Variants in KCNAB1 observed in about 807,000 individuals in gnomAD.
The protein encoded by KCNAB1 is voltage-gated potassium channel subunit beta-1.
In KCNAB1, 35 loss-of-function variants were observed where a neutral mutation model predicts 64.6. The ratio of observed to expected loss-of-function variants is 0.54; its 90% CI spans 0.41 to 0.72. The LOEUF (loss-of-function observed/expected upper bound fraction) is 0.72, where lower values mean the gene tolerates loss of function less well. Ranked by LOEUF, KCNAB1 falls within the 30% of genes least tolerant of loss-of-function variation. The pLI is 0.00. For synonymous variants in KCNAB1, 177 were observed against 183.8 expected (o/e 0.96, Z 0.30); for missense variants, 401 against 512.9 (o/e 0.78, Z 2.11).
chr3:156,373,674 A>G (rs1431696088), intron 1 of KCNAB1, among the ~76,000 whole-genome samples: 1 of 152,168 alleles, frequency 6.6e-6, no homozygotes, highest in Non-Finnish European at 1.5e-5. Flanking sequence ...TATATGGCAA[A>G]ATTTATTTCC....
At chr3:156,292,198 G>A in intron 1 of KCNAB1, 8 of 1,548,862 alleles carry the variant, frequency 5.2e-6, no homozygotes, top group Middle Eastern at 1.7e-4. Flanking sequence ...ACAGTCCATC[G>A]GTTTTGAAAA....
intron 1 of KCNAB1, among the ~76,000 whole-genome samples, chr3:156,353,331 G>A (rs9824778): frequency 0.084 from 12,762 of 152,050 alleles, 1,318 homozygotes; most frequent in African/African-American, 0.25. Context: ...GAGTTCCTAT[G>A]TGTACAGGCA....
intron 2 of KCNAB1, among the ~76,000 whole-genome samples, chr3:156,424,230 C>T (rs1715666929): frequency 6.6e-6 from 1 of 151,992 alleles, no homozygotes; most frequent in African/African-American, 2.4e-5. Flanking sequence ...AGGGAGTGAC[C>T]AGGGTGGGTC....
chr3:156,213,767 G>T (rs1056049956), intron 1 of KCNAB1, among the ~76,000 whole-genome samples: 1 of 152,114 alleles, frequency 6.6e-6, no homozygotes, highest in African/African-American at 2.4e-5. Flanking sequence ...TTTGGTCTTT[G>T]CCCCCAGTTC....
In KCNAB1 at chr3:156,536,590, T is replaced by C. The variant is rs117688907; in HGVS notation, c.1171-68T>C. ...TGATTCTAGATTACTTTGCTAAATA[T>C]AGAGCACAAAAAACCGAATGATCAA... On this transcript the variant is annotated intron_variant, in intron 13 of 13. Coordinates refer to ENST00000490337, the MANE Select transcript of KCNAB1 (RefSeq NM_172160.3). 1.6e-4 allele frequency: 173 copies of C among 1,068,442 alleles called. No individual in the cohort carries two copies. In the East Asian group the frequency reaches 3.8e-3, roughly 23 times the overall value. 66.2% of individuals were successfully genotyped at this position (1,068,442 alleles called of 1,614,324 possible).
chr3:156,503,062 T>C (rs1393748967), intron 8 of KCNAB1, among the ~76,000 whole-genome samples: 1 of 152,256 alleles, frequency 6.6e-6, no homozygotes, highest in East Asian at 1.9e-4. Context: ...TCTATACTCA[T>C]TGTGGATGCC....
chr3:156,326,588 T>G (rs1722979651), intron 1 of KCNAB1, among the ~76,000 whole-genome samples: 1 of 152,132 alleles, frequency 6.6e-6, no homozygotes, highest in Non-Finnish European at 1.5e-5. Flanking sequence ...ACCTCAATTC[T>G]TATCACTACT....
At chr3:156,217,950 G>C (rs1363556211) in intron 1 of KCNAB1, 2 of 152,210 alleles carry the variant, frequency 1.3e-5, no homozygotes, top group Non-Finnish European at 2.9e-5. Flanking sequence ...TCATAAACTT[G>C]CTCCAAGAAC....
At chr3:156,458,620 C>A (rs545912956) in intron 4 of KCNAB1, among the ~76,000 whole-genome samples, 32 of 152,282 alleles carry the variant, frequency 2.1e-4, no homozygotes, top group Non-Finnish European at 4.0e-4. Context: ...AGCTCACATT[C>A]TTGATGCTTT....
intron 1 of KCNAB1, among the ~76,000 whole-genome samples, chr3:156,302,904 T>G (rs1721252469): frequency 6.6e-6 from 1 of 152,202 alleles, no homozygotes; most frequent in Non-Finnish European, 1.5e-5. Context: ...GATATGGGAA[T>G]AGAACTTCTT....
chr3:156,372,140 G>C (rs1473550523), intron 1 of KCNAB1, among the ~76,000 whole-genome samples: 4 of 152,140 alleles, frequency 2.6e-5, no homozygotes, highest in Admixed American at 2.0e-4. Context: ...AATGTGAAAA[G>C]GGAGATTGGA....
intron 1 of KCNAB1, among the ~76,000 whole-genome samples, chr3:156,332,719 G>C (rs1029056638): frequency 6.6e-6 from 1 of 152,138 alleles, no homozygotes; most frequent in Non-Finnish European, 1.5e-5. Context: ...TCGAAAATAT[G>C]ACCATTGTGA....
intron 11 of KCNAB1, among the ~76,000 whole-genome samples, chr3:156,517,219 C>T (rs1474207818): frequency 1.3e-5 from 2 of 152,194 alleles, no homozygotes. Context: ...GAAAACAGCT[C>T]AAGTCAAGTC....
chr3:156,424,923 G>A (rs565184023), intron 2 of KCNAB1, among the ~76,000 whole-genome samples: 1 of 152,292 alleles, frequency 6.6e-6, no homozygotes, highest in African/African-American at 2.4e-5. Context: ...GAGGAAACAA[G>A]GAAGTTCATA....
intron 1 of KCNAB1, among the ~76,000 whole-genome samples, chr3:156,142,510 T>C (rs1282498171): frequency 6.6e-6 from 1 of 152,238 alleles, no homozygotes; most frequent in Non-Finnish European, 1.5e-5. Context: ...ATCCAGTTGC[T>C]CCAGCACCAT....
intron 1 of KCNAB1, among the ~76,000 whole-genome samples, chr3:156,378,285 C>T (rs923125271): frequency 6.6e-6 from 1 of 152,034 alleles, no homozygotes; most frequent in Non-Finnish European, 1.5e-5. Context: ...AGTCCCAGAA[C>T]AAAGGGTGGA....
At position 156,457,437 on chromosome 3, in the gene KCNAB1, TTCTC is replaced by T. The variant is rs1304114037; in HGVS notation, c.358-13_358-10del. Reference sequence around the variant, plus strand: ...AGCATTTGGCTTTTCTGAGTGACCTTTCTCTCCCCTTGCAGGTTGCTGAACGGCT... The same window carrying T: ...AGCATTTGGCTTTTCTGAGTGACCTTTCCCCTTGCAGGTTGCTGAACGGCT... On this transcript the variant is annotated splice_polypyrimidine_tract_variant and intron_variant, in intron 3 of 13. Transcript: ENST00000490337. 6.2e-7 allele frequency: 1 copy of T among 1,613,578 alleles called. No individual in the cohort carries two copies. The highest frequency in any genetic ancestry group is 1.7e-5 in the Admixed American group (1 of 59,992).
chr3:156,171,185 A>ACG lies in KCNAB1; in HGVS notation c.275+50301_275+50302dup, dbSNP rs1261474349. On this transcript the variant is annotated intron_variant, in intron 1 of 13. Transcript: ENST00000490337. ...GCACCGGCTTATAGTTAGAAACTTCACGCACACATACACACACACACACAC... is the reference window on the plus strand; with the variant it reads ...GCACCGGCTTATAGTTAGAAACTTCACGCGCACACATACACACACACACACAC... 7.9e-4 allele frequency among the ~76,000 whole-genome samples: 94 copies of ACG among 119,620 alleles called. 1 individual carries two copies. The highest frequency in any genetic ancestry group is 2.9e-3 in the African/African-American group (90 of 30,940). 78.5% of individuals were successfully genotyped at this position (119,620 alleles called of 152,430 possible). A position where few individuals can be genotyped will look rare whatever the true frequency, so the allele number is the denominator to read the frequency against.
chr3:156,172,786 A>G (rs899890949), intron 1 of KCNAB1, among the ~76,000 whole-genome samples: 1 of 152,170 alleles, frequency 6.6e-6, no homozygotes, highest in African/African-American at 2.4e-5. Flanking sequence ...GGAAAGTCCC[A>G]GGGGAATATT....
Sources: gnomAD v4.1 joint callset for allele counts (sites outside exome capture counted in the v4.1 genomes callset) on GRCh38, gnomAD v4.1.1 for gene constraint, MANE v1.5 for transcripts, NCBI Gene and HGNC (gene_info 2026-07-23, HGNC 2026-07-21) for gene names.